LRRC37A2: variants seen among roughly 807,000 people sequenced by gnomAD.
LRRC37A2 encodes the protein leucine-rich repeat-containing protein 37A2.
In LRRC37A2, 9 loss-of-function variants were observed where a neutral mutation model predicts 68.8. The ratio of observed to expected loss-of-function variants is 0.13; its 90% confidence interval spans 0.08 to 0.23. The LOEUF is 0.23. LRRC37A2 is among the 10% of genes least tolerant of loss of function. The pLI is 1.00. For missense variants in LRRC37A2, 168 were observed against 950.4 expected (o/e 0.18, Z 10.82); for synonymous variants, 63 against 367.6 (o/e 0.17, Z 9.48).
At chr17:46,863,090 G>A in the LRRC37A2 span, among the ~76,000 whole-genome samples, 2,920 of 147,696 alleles carry the variant, frequency 0.02, 91 homozygotes, top group African/African-American at 0.069. Context: ...GAGAGCATAC[G>A]CCAGCAATCA....
At chr17:46,804,785 G>T in the LRRC37A2 span, among the ~76,000 whole-genome samples, 1 of 152,154 alleles carries the variant, frequency 6.6e-6, no homozygotes, top group African/African-American at 2.4e-5. Flanking sequence ...TCAGTGCTCT[G>T]TAAGAATGCA....
chr17:46,872,866 C>A, the LRRC37A2 span: 3 of 1,424,252 alleles, frequency 2.1e-6, no homozygotes, highest in Non-Finnish European at 2.8e-6. Context: ...TTTTTCCTGG[C>A]TCCCGTGCCC....
the LRRC37A2 span, chr17:47,018,234 G>A: frequency 6.2e-7 from 1 of 1,611,942 alleles, no homozygotes; most frequent in Non-Finnish European, 8.5e-7. Flanking sequence ...TGAGCCTCCA[G>A]TTCCTCCTAT....
the LRRC37A2 span, among the ~76,000 whole-genome samples, chr17:46,854,246 T>A: frequency 2.0e-5 from 3 of 152,214 alleles, no homozygotes; most frequent in Non-Finnish European, 4.4e-5. Flanking sequence ...CAGCTTCCCA[T>A]CTGCATTCGC....
At chr17:46,799,062 A>T in the LRRC37A2 span, among the ~76,000 whole-genome samples, 1 of 151,826 alleles carries the variant, frequency 6.6e-6, no homozygotes, top group Admixed American at 6.6e-5. Flanking sequence ...AAAAAAAAAA[A>T]AAAAATCCCT....
At chr17:46,870,335 A>G in the LRRC37A2 span, among the ~76,000 whole-genome samples, 9 of 152,334 alleles carry the variant, frequency 5.9e-5, no homozygotes, top group South Asian at 1.7e-3. Context: ...TGGCCTCCTC[A>G]GCTGGAGTTG....
the LRRC37A2 span, among the ~76,000 whole-genome samples, chr17:46,770,451 C>A: frequency 7.2e-5 from 11 of 152,202 alleles, no homozygotes; most frequent in Admixed American, 1.3e-4. Flanking sequence ...CCTGAGCCCT[C>A]CCACGCCTGA....
the LRRC37A2 span, among the ~76,000 whole-genome samples, chr17:46,954,732 C>T: frequency 6.6e-6 from 1 of 152,200 alleles, no homozygotes; most frequent in Admixed American, 6.5e-5. Flanking sequence ...TCCTTGAAGA[C>T]ATCCTTCACA....
the LRRC37A2 span, among the ~76,000 whole-genome samples, chr17:46,839,949 TTTCTTTC>T: frequency 6.7e-6 from 1 of 148,686 alleles, no homozygotes; most frequent in African/African-American, 2.5e-5. Context: ...TCTTTCTTTC[TTTCTTTC>T]TTTCTTTCTT....
At chr17:47,020,703 A>G in the LRRC37A2 span, among the ~76,000 whole-genome samples, 2 of 141,740 alleles carry the variant, frequency 1.4e-5, no homozygotes, top group African/African-American at 5.2e-5. Flanking sequence ...AATGGCGTGA[A>G]CCTGGGAGGC....
the LRRC37A2 span, chr17:46,935,301 G>C: frequency 6.4e-7 from 1 of 1,553,928 alleles, no homozygotes; most frequent in Non-Finnish European, 8.7e-7. Context: ...GAGCCCTTGA[G>C]TTTGGGATCC....
chr17:46,905,702 C>T, the LRRC37A2 span, among the ~76,000 whole-genome samples: 4 of 152,194 alleles, frequency 2.6e-5, no homozygotes, highest in Non-Finnish European at 4.4e-5. Context: ...ATGGTATGGA[C>T]GTGCAGCCTG....
At chr17:46,843,049 C>A in the LRRC37A2 span, among the ~76,000 whole-genome samples, 1 of 152,216 alleles carries the variant, frequency 6.6e-6, no homozygotes. Context: ...CTATTGGAGA[C>A]ATGTGGTATT....
At chr17:47,041,319 A>G in the LRRC37A2 span, among the ~76,000 whole-genome samples, 122 of 5,186 alleles carry the variant, frequency 0.024, no homozygotes, top group Non-Finnish European at 0.028. Context: ...TTCTTGAATA[A>G]ATGCTCCTCG....
the LRRC37A2 span, among the ~76,000 whole-genome samples, chr17:46,972,310 C>T: frequency 6.6e-6 from 1 of 152,232 alleles, no homozygotes; most frequent in Non-Finnish European, 1.5e-5. Flanking sequence ...CCTCTTCCCC[C>T]TTCTTTCTCC....
At chr17:46,993,339 A>G in the LRRC37A2 span, among the ~76,000 whole-genome samples, 5 of 152,236 alleles carry the variant, frequency 3.3e-5, no homozygotes, top group Non-Finnish European at 7.3e-5. Context: ...GAAGTCAGGC[A>G]CTGCAGCCTC....
chr17:47,010,206 T>A, the LRRC37A2 span, among the ~76,000 whole-genome samples: 1 of 152,314 alleles, frequency 6.6e-6, no homozygotes, highest in African/African-American at 2.4e-5. Context: ...GCTTAGCGCC[T>A]CAGATGGGCT....
At chr17:46,934,961 CAG>C in the LRRC37A2 span, 46 of 1,440,482 alleles carry the variant, frequency 3.2e-5, no homozygotes, top group South Asian at 2.3e-5. Flanking sequence ...GGCCAAAAGA[CAG>C]AGCAGTGAGA....
chr17:46,502,208 A>G, the LRRC37A2 span, among the ~76,000 whole-genome samples: 1 of 151,302 alleles, frequency 6.6e-6, no homozygotes, highest in South Asian at 2.1e-4. Context: ...AAGTTAATAG[A>G]TGAGTGAGAG....
Sources: gnomAD v4.1 joint callset for allele counts (sites outside exome capture counted in the v4.1 genomes callset) on GRCh38, gnomAD v4.1.1 for gene constraint, MANE v1.5 for transcripts, NCBI Gene and HGNC (gene_info 2026-07-23, HGNC 2026-07-21) for gene names.